The following SNX29 variants were observed in gnomAD, a reference collection of about 807,000 sequenced individuals.
The protein encoded by SNX29 is sorting nexin-29.
A neutral mutation model predicts 102.1 loss-of-function variants in SNX29; 78 were observed. The observed-to-expected ratio is 0.76, with a 90% CI of 0.64 to 0.92. The LOEUF (loss-of-function observed/expected upper bound fraction) is 0.92, where lower values mean the gene tolerates loss of function less well. Ranked by LOEUF, SNX29 falls within the 40% of genes least tolerant of loss-of-function variation. The pLI is 0.00. For synonymous variants in SNX29, 580 were observed against 414.5 expected, an observed-to-expected ratio of 1.40 and a Z score of -4.85; for missense variants, 1,280 against 1,061.7, an observed-to-expected ratio of 1.21 and a Z score of -2.86.
At chr16:12,357,926 G>A (rs1395721757) in intron 16 of SNX29, among the ~76,000 whole-genome samples, 1 of 152,146 alleles carries the variant, frequency 6.6e-6, no homozygotes, top group Non-Finnish European at 1.5e-5. Flanking sequence ...TTCATTTCCT[G>A]TATTTCCTTA....
chr16:12,369,563 C>T (rs751810190), intron 16 of SNX29, among the ~76,000 whole-genome samples: 1 of 152,230 alleles, frequency 6.6e-6, no homozygotes, highest in African/African-American at 2.4e-5. Context: ...CAGGTGATGA[C>T]ACTGTCCTTG....
chr16:12,264,948 C>T (rs1025289471), intron 14 of SNX29, among the ~76,000 whole-genome samples: 2 of 152,148 alleles, frequency 1.3e-5, no homozygotes, highest in African/African-American at 4.8e-5. Flanking sequence ...ATACTACATG[C>T]ATTTCTGTTA....
intron 14 of SNX29, among the ~76,000 whole-genome samples, chr16:12,236,839 G>C (rs1349087601): frequency 6.6e-6 from 1 of 152,214 alleles, no homozygotes; most frequent in Non-Finnish European, 1.5e-5. Context: ...ATTCTGAGTT[G>C]CTTGGAGGAA....
chr16:12,303,846 C>A (rs1341055753), intron 15 of SNX29, among the ~76,000 whole-genome samples: 1 of 152,222 alleles, frequency 6.6e-6, no homozygotes, highest in Non-Finnish European at 1.5e-5. Flanking sequence ...GGAGTCACAG[C>A]TGAGTCCTTG....
chr16:12,223,694 T>C (rs1197844875), intron 14 of SNX29, among the ~76,000 whole-genome samples: 2 of 152,164 alleles, frequency 1.3e-5, no homozygotes, highest in African/African-American at 2.4e-5. Context: ...TTGACTGAAT[T>C]GAAATCTGTT....
intron 13 of SNX29, among the ~76,000 whole-genome samples, chr16:12,131,093 G>A (rs2054446829): frequency 6.6e-6 from 1 of 152,224 alleles, no homozygotes; most frequent in Non-Finnish European, 1.5e-5. Context: ...TGGCACGGGT[G>A]TGAGCCGCAT....
At chr16:12,149,232 A>C (rs2055194811) in intron 13 of SNX29, among the ~76,000 whole-genome samples, 1 of 152,208 alleles carries the variant, frequency 6.6e-6, no homozygotes, top group South Asian at 2.1e-4. Flanking sequence ...GGCAGCAGGA[A>C]GGGTAAAGCA....
At chr16:12,327,597 T>A (rs1240733909) in intron 15 of SNX29, among the ~76,000 whole-genome samples, 2 of 152,114 alleles carry the variant, frequency 1.3e-5, no homozygotes, top group Non-Finnish European at 2.9e-5. Flanking sequence ...AGTTACCTCC[T>A]TAAAGCCTCT....
chr16:12,392,560 G>A (rs866462749), intron 16 of SNX29, among the ~76,000 whole-genome samples: 18 of 152,226 alleles, frequency 1.2e-4, no homozygotes, highest in African/African-American at 4.3e-4. Flanking sequence ...TGAGAATATT[G>A]TCCTCTACAC....
At chr16:12,058,475 G>GTTT (rs1256643874) in intron 8 of SNX29, among the ~76,000 whole-genome samples, 1 of 96,302 alleles carries the variant, frequency 1.0e-5, no homozygotes, top group Non-Finnish European at 2.2e-5. Flanking sequence ...GCCCACTGGT[G>GTTT]TTTTTTTTTT....
At chr16:12,412,367 C>G (rs547770761) in intron 18 of SNX29, among the ~76,000 whole-genome samples, 6 of 152,344 alleles carry the variant, frequency 3.9e-5, no homozygotes, top group African/African-American at 1.4e-4. Flanking sequence ...GTGTGCTTCA[C>G]AAATTTGTCT....
intron 18 of SNX29, among the ~76,000 whole-genome samples, chr16:12,466,341 G>T (rs1382293694): frequency 6.6e-6 from 1 of 152,112 alleles, no homozygotes; most frequent in African/African-American, 2.4e-5. Flanking sequence ...TACAGAATCT[G>T]GTGTGTTTAT....
At chr16:11,986,439 C>A (rs906215660) in intron 1 of SNX29, among the ~76,000 whole-genome samples, 13 of 150,706 alleles carry the variant, frequency 8.6e-5, no homozygotes, top group African/African-American at 2.9e-4. Context: ...ACAGAATATA[C>A]CTTTAAATAT....
At chr16:12,084,872 T>C (rs1214746871) in intron 11 of SNX29, among the ~76,000 whole-genome samples, 1 of 151,992 alleles carries the variant, frequency 6.6e-6, no homozygotes, top group East Asian at 1.9e-4. Context: ...AGTTTGAGAC[T>C]AGCCAGGCCA....
At chr16:12,292,243 C>G (rs980960107) in intron 15 of SNX29, among the ~76,000 whole-genome samples, 3 of 152,042 alleles carry the variant, frequency 2.0e-5, no homozygotes, top group African/African-American at 7.2e-5. Context: ...ACTGATAGAC[C>G]GTAGAGTGAG....
At chr16:12,550,969 G>A (rs1185250379) in intron 20 of SNX29, among the ~76,000 whole-genome samples, 1 of 152,120 alleles carries the variant, frequency 6.6e-6, no homozygotes, top group Non-Finnish European at 1.5e-5. Flanking sequence ...TGGGCTTAGG[G>A]CACAACAAAA....
intron 13 of SNX29, among the ~76,000 whole-genome samples, chr16:12,150,081 A>C (rs2055232838): frequency 6.6e-6 from 1 of 152,028 alleles, no homozygotes; most frequent in African/African-American, 2.4e-5. Context: ...CCCAATGAGG[A>C]GTTTGGCCTC....
chr16:12,326,430 G>T (rs2081122020), intron 15 of SNX29, among the ~76,000 whole-genome samples: 1 of 151,470 alleles, frequency 6.6e-6, no homozygotes, highest in African/African-American at 2.4e-5. Flanking sequence ...ATGAGTACTG[G>T]GCAAGTTGGC....
chr16:12,471,655 T>A (rs2151796994), intron 18 of SNX29, among the ~76,000 whole-genome samples: 2 of 152,348 alleles, frequency 1.3e-5, no homozygotes, highest in Middle Eastern at 6.8e-3. Context: ...CAAGTTAGGG[T>A]GAAAGCTCAC....
Sources: allele counts gnomAD v4.1 joint callset (sites outside exome capture counted in the v4.1 genomes callset), GRCh38; gene constraint gnomAD v4.1.1; transcripts MANE v1.5; gene names NCBI Gene and HGNC (gene_info 2026-07-23, HGNC 2026-07-21).